Variants in KIAA1217 observed in about 807,000 individuals in gnomAD.
The protein encoded by KIAA1217 is sickle tail protein homolog.
In KIAA1217, 88 loss-of-function variants were observed where a neutral mutation model predicts 163.9. The ratio of observed to expected loss-of-function variants is 0.54; its 90% CI spans 0.45 to 0.64. KIAA1217 has a LOEUF of 0.64. KIAA1217 is among the 30% of genes least tolerant of loss of function. The pLI is 0.00. For missense variants in KIAA1217, 2,372 were observed against 2,475.0 expected (o/e 0.96, Z 0.88); for synonymous variants, 903 against 923.1 (o/e 0.98, Z 0.39).
chr10:24,209,132 G>C, upstream of KIAA1217: 1 of 1,525,574 alleles, frequency 6.6e-7, no homozygotes, highest in East Asian at 2.3e-5. Flanking sequence ...CTTTCTGGGA[G>C]CTTTTAGAAC....
rs545289421 is a variant in KIAA1217 at position 24,357,116 on chromosome 10, G to A, written c.355-23753G>A. On this transcript the variant is annotated intron_variant, in intron 2 of 20. Coordinates refer to ENST00000376454, the MANE Select transcript of KIAA1217 (RefSeq NM_019590.5). The stretch of plus-strand genomic sequence containing the variant: ...AGTGGCAAGATAAGATGCCCCACTC[G>A]TACCACGGCCAGCCATTATGGAAAC... Among the ~76,000 whole-genome samples the A allele has an allele frequency of 7.2e-5, 11 of 152,184 alleles. No homozygotes were observed. The South Asian group carries it at 1.0e-3, about 14-fold the overall frequency.
At chr10:24,233,528 T>C (rs2071748983) in intron 2 of KIAA1217, among the ~76,000 whole-genome samples, 1 of 152,204 alleles carries the variant, frequency 6.6e-6, no homozygotes, top group Non-Finnish European at 1.5e-5. Flanking sequence ...TGGGTATGAT[T>C]TGAGTATGGG....
chr10:24,506,047 G>A (rs1473935545), intron 9 of KIAA1217, among the ~76,000 whole-genome samples: 1 of 152,100 alleles, frequency 6.6e-6, no homozygotes, highest in Non-Finnish European at 1.5e-5. Flanking sequence ...AGGGCTTGAC[G>A]ATTAGGCTGC....
At chr10:23,789,966 TACATATACATATATAC>T (rs1451619060) in intron 1 of KIAA1217, among the ~76,000 whole-genome samples, 1 of 90,042 alleles carries the variant, frequency 1.1e-5, no homozygotes, top group African/African-American at 4.8e-5. Flanking sequence ...TATACACATA[TACATATACATATATAC>T]ACATATACAT....
At chr10:23,869,184 G>A (rs1329433601) in intron 1 of KIAA1217, among the ~76,000 whole-genome samples, 4 of 115,832 alleles carry the variant, frequency 3.5e-5, no homozygotes, top group Non-Finnish European at 6.5e-5. Flanking sequence ...TGAAGTAACA[G>A]CGTTGCTATC....
rs558709234 is a variant in KIAA1217, at chr10:24,525,651, C to T, written c.2898+887C>T. Among the ~76,000 whole-genome samples the T allele has an allele frequency of 5.9e-5, 9 of 152,140 alleles. No individual in the cohort carries two copies. In the South Asian group the frequency reaches 8.3e-4, roughly 14 times the overall value. Reference sequence around the variant, plus strand: ...ATTACTATAGTCATCTAAGAATGAACGGTAGAGCAGTCAGAATGAAAAGAG... The same window carrying T: ...ATTACTATAGTCATCTAAGAATGAATGGTAGAGCAGTCAGAATGAAAAGAG... On this transcript the variant is annotated intron_variant, in intron 13 of 20. Coordinates refer to ENST00000376454, the MANE Select transcript of KIAA1217 (RefSeq NM_019590.5).
At chr10:24,520,649 A>C (rs78133901) in intron 11 of KIAA1217, among the ~76,000 whole-genome samples, 1 of 67,764 alleles carries the variant, frequency 1.5e-5, no homozygotes. Context: ...AAAAAAAAAA[A>C]AAATATATAT....
intron 2 of KIAA1217, among the ~76,000 whole-genome samples, chr10:24,313,588 C>T (rs905634555): frequency 2.6e-5 from 4 of 152,096 alleles, no homozygotes; most frequent in East Asian, 1.9e-4. Context: ...TGTATTTTCA[C>T]GCGGGATGTC....
At chr10:24,394,932 G>A (rs1564605990) in intron 3 of KIAA1217, among the ~76,000 whole-genome samples, 2 of 152,150 alleles carry the variant, frequency 1.3e-5, no homozygotes, top group Non-Finnish European at 2.9e-5. Context: ...GTGTTAAAGC[G>A]CAGGTTTCTA....
chr10:23,769,482 T>A lies in KIAA1217; in HGVS notation c.-321+74248T>A, dbSNP rs1048862111. Among the ~76,000 whole-genome samples the A allele has an allele frequency of 2.0e-5, 3 of 152,230 alleles. No individual in the cohort carries two copies. In the East Asian group the frequency reaches 5.8e-4, roughly 29 times the overall value. On this transcript the variant is annotated intron_variant, in intron 1 of 18. Transcript: ENST00000376462. ...TCTAACCTTTTGGCTAATTTGTTAG[T>A]CCTATAAAGGCAGTCTGGACCCCAG... is the stretch of plus-strand genomic sequence containing the variant.
intron 1 of KIAA1217, among the ~76,000 whole-genome samples, chr10:23,942,101 T>C (rs977560568): frequency 1.3e-5 from 2 of 152,146 alleles, no homozygotes; most frequent in Non-Finnish European, 2.9e-5. Flanking sequence ...ATATTACATA[T>C]AATTATACTA....
At chr10:24,210,220 C>T (rs543142462) in intron 1 of KIAA1217, among the ~76,000 whole-genome samples, 1 of 152,164 alleles carries the variant, frequency 6.6e-6, no homozygotes, top group African/African-American at 2.4e-5. Context: ...GGAAGTAACA[C>T]ATGACTCATC....
chr10:24,485,038 ACACCAGGC>A (rs1270136002), intron 6 of KIAA1217, among the ~76,000 whole-genome samples: 1 of 151,158 alleles, frequency 6.6e-6, no homozygotes, highest in South Asian at 2.1e-4. Flanking sequence ...CATGCGGGGA[ACACCAGGC>A]CTGGGTGGGA....
At chr10:24,162,855 G>T (rs1321629830) in intron 2 of KIAA1217, among the ~76,000 whole-genome samples, 4 of 152,148 alleles carry the variant, frequency 2.6e-5, no homozygotes, top group Non-Finnish European at 5.9e-5. Flanking sequence ...CTGGCTGTTG[G>T]CTGAGTGTCT....
chr10:24,027,514 G>T (rs936248552), intron 2 of KIAA1217, among the ~76,000 whole-genome samples: 1 of 152,012 alleles, frequency 6.6e-6, no homozygotes, highest in African/African-American at 2.4e-5. Context: ...AACAGAAAAT[G>T]CAACTTTAAA....
At chr10:23,892,849 C>A (rs1841472822) in intron 1 of KIAA1217, among the ~76,000 whole-genome samples, 1 of 151,790 alleles carries the variant, frequency 6.6e-6, no homozygotes. Context: ...ATCAACAAAC[C>A]ACGACCTGGT....
intron 3 of KIAA1217, among the ~76,000 whole-genome samples, chr10:24,414,056 TTGTTTAAG>T (rs1315878401): frequency 1.3e-5 from 2 of 152,246 alleles, no homozygotes; most frequent in Non-Finnish European, 2.9e-5. Context: ...CATACCCATT[TTGTTTAAG>T]TGTGAAGTTT....
intron 2 of KIAA1217, among the ~76,000 whole-genome samples, chr10:24,011,587 T>A (rs1391756177): frequency 6.6e-6 from 1 of 152,174 alleles, no homozygotes; most frequent in Non-Finnish European, 1.5e-5. Context: ...TGCCTCCATG[T>A]TAACATTGCA....
At chr10:24,058,373 T>G (rs1268755106) in intron 2 of KIAA1217, among the ~76,000 whole-genome samples, 1 of 152,204 alleles carries the variant, frequency 6.6e-6, no homozygotes, top group Non-Finnish European at 1.5e-5. Context: ...TTTGGCTATT[T>G]AGGATCCTTC....
Sources: gnomAD v4.1 joint callset for allele counts (sites outside exome capture counted in the v4.1 genomes callset) on GRCh38, gnomAD v4.1.1 for gene constraint, MANE v1.5 for transcripts, NCBI Gene and HGNC (gene_info 2026-07-23, HGNC 2026-07-21) for gene names.